Variants in RAPGEF5 observed in about 807,000 individuals in gnomAD.
RAPGEF5 encodes M-Ras-regulated GEF.
In RAPGEF5, 65 loss-of-function variants were observed where a neutral mutation model predicts 125.2. The ratio of observed to expected loss-of-function variants is 0.52; its 90% confidence interval spans 0.43 to 0.64. The LOEUF is 0.64. Ranked by LOEUF, RAPGEF5 falls within the 30% of genes least tolerant of loss-of-function variation. The pLI is 0.00. For synonymous variants in RAPGEF5, 391 were observed against 385.9 expected (o/e 1.01, Z -0.16); for missense variants, 958 against 1,048.1 (o/e 0.91, Z 1.19).
intron 9 of RAPGEF5, among the ~76,000 whole-genome samples, chr7:22,197,053 C>T (rs182847782): frequency 1.3e-5 from 2 of 152,238 alleles, no homozygotes; most frequent in Admixed American, 1.3e-4. Context: ...ATGAAGACCA[C>T]TACCAAGATG....
intron 9 of RAPGEF5, among the ~76,000 whole-genome samples, chr7:22,214,732 C>T (rs1162148379): frequency 6.7e-6 from 1 of 149,864 alleles, no homozygotes; most frequent in Non-Finnish European, 1.5e-5. Context: ...TCTCTGTCCT[C>T]CAGAGCTGCC....
intron 1 of RAPGEF5, among the ~76,000 whole-genome samples, chr7:22,341,440 C>T (rs1460966063): frequency 2.0e-5 from 3 of 152,184 alleles, no homozygotes; most frequent in Admixed American, 6.5e-5. Context: ...CATGTCCTCA[C>T]ATTTCAAAAC....
chr7:22,187,408 C>T (rs1405093230), intron 11 of RAPGEF5, among the ~76,000 whole-genome samples: 1 of 152,086 alleles, frequency 6.6e-6, no homozygotes, highest in Admixed American at 6.6e-5. Flanking sequence ...TTTTAGTAAC[C>T]TTTCTACTCT....
At chr7:22,215,356 T>G (rs1363890518) in intron 9 of RAPGEF5, among the ~76,000 whole-genome samples, 2 of 152,216 alleles carry the variant, frequency 1.3e-5, no homozygotes, top group African/African-American at 4.8e-5. Context: ...CAAAACCTAA[T>G]TTAAGGTCCA....
At chr7:22,213,195 AC>A (rs1372664832) in intron 9 of RAPGEF5, among the ~76,000 whole-genome samples, 1 of 152,182 alleles carries the variant, frequency 6.6e-6, no homozygotes, top group Non-Finnish European at 1.5e-5. Flanking sequence ...TCTTGTGAAA[AC>A]CTAAAAATAC....
Position 22,340,710 on chromosome 7 carries a change from A to G in RAPGEF5, c.231+16120T>C, listed in dbSNP as rs549204417. Among the ~76,000 whole-genome samples the G allele has an allele frequency of 3.3e-5, 5 of 152,284 alleles. No individual in the cohort carries two copies. In the East Asian group the frequency reaches 9.7e-4, roughly 29 times the overall value. Reference sequence around the variant, plus strand: ...TTCTCTTACCAGGGTATTCCGCACTAGAACCCCCTCTCCTCTTCCCTCTGG... The same window carrying G: ...TTCTCTTACCAGGGTATTCCGCACTGGAACCCCCTCTCCTCTTCCCTCTGG... On this transcript the variant is annotated intron_variant, in intron 1 of 25. Coordinates refer to ENST00000665637, the MANE Select transcript of RAPGEF5 (RefSeq NM_012294.5).
chr7:22,240,859 T>C (rs1338643345), intron 7 of RAPGEF5, among the ~76,000 whole-genome samples: 1 of 152,192 alleles, frequency 6.6e-6, no homozygotes, highest in Non-Finnish European at 1.5e-5. Flanking sequence ...AGAAATTAAA[T>C]TGTAAAAGAT....
At chr7:22,339,643 T>C (rs1317907640) in intron 1 of RAPGEF5, among the ~76,000 whole-genome samples, 1 of 152,234 alleles carries the variant, frequency 6.6e-6, no homozygotes, top group East Asian at 1.9e-4. Flanking sequence ...CTGCCTGCAG[T>C]ACACACAACA....
intron 7 of RAPGEF5, among the ~76,000 whole-genome samples, chr7:22,255,034 G>C (rs1048040210): frequency 1.3e-5 from 2 of 152,080 alleles, no homozygotes; most frequent in African/African-American, 2.4e-5. Context: ...ACCAGATCCT[G>C]GGGTTTCCTA....
intron 1 of RAPGEF5, among the ~76,000 whole-genome samples, chr7:22,352,560 G>A (rs1784350268): frequency 6.6e-6 from 1 of 152,140 alleles, no homozygotes; most frequent in Non-Finnish European, 1.5e-5. Flanking sequence ...CATTTAAAAA[G>A]TATACAGGAG....
intron 7 of RAPGEF5, among the ~76,000 whole-genome samples, chr7:22,247,363 T>A (rs1786504434): frequency 6.6e-6 from 1 of 152,192 alleles, no homozygotes; most frequent in Non-Finnish European, 1.5e-5. Flanking sequence ...CATCTTGAAT[T>A]GTAGCTCCCA....
chr7:22,191,188 C>T (rs1784985262), intron 11 of RAPGEF5, among the ~76,000 whole-genome samples: 1 of 152,064 alleles, frequency 6.6e-6, no homozygotes, highest in Non-Finnish European at 1.5e-5. Flanking sequence ...ATTAATATCT[C>T]CTTTTCTTCA....
intron 17 of RAPGEF5, among the ~76,000 whole-genome samples, chr7:22,153,050 C>T (rs747871976): frequency 2.0e-5 from 3 of 152,238 alleles, no homozygotes; most frequent in Middle Eastern, 3.4e-3. Context: ...GTGAAAGAGC[C>T]GCTCATTAAT....
intron 9 of RAPGEF5, among the ~76,000 whole-genome samples, chr7:22,203,851 A>G (rs1392731730): frequency 6.6e-6 from 1 of 151,166 alleles, no homozygotes; most frequent in Non-Finnish European, 1.5e-5. Flanking sequence ...GACCTGACAG[A>G]GGCCTATTTG....
In RAPGEF5 at chr7:22,119,341, G is replaced by A. The variant is rs1380684734; in HGVS notation, c.*3065C>T. On this transcript the variant is annotated 3_prime_UTR_variant, in exon 26 of 26. Coordinates refer to ENST00000665637, the MANE Select transcript of RAPGEF5 (RefSeq NM_012294.5). The surrounding 1 kb of genome is among the most constrained non-coding windows in gnomAD (Gnocchi z 4.1). ...GTATGCTCCACACTACCTGTTTGTG[G>A]TTCTCGGTCTAGGGAAATGAATTTA... 1 of 152,150 alleles carries A rather than the reference G, an allele frequency of 6.6e-6. No homozygotes were observed. The highest frequency in any genetic ancestry group is 1.9e-4 in the East Asian group (1 of 5,202). 9.4% of individuals were successfully genotyped at this position (152,150 alleles called of 1,614,324 possible). A position where few individuals can be genotyped will look rare whatever the true frequency, so the allele number is the denominator to read the frequency against.
intron 1 of RAPGEF5, among the ~76,000 whole-genome samples, chr7:22,322,392 T>C (rs6953401): frequency 0.51 from 77,455 of 151,676 alleles, 19,931 homozygotes; most frequent in East Asian, 0.6. Context: ...AGCAATCCGC[T>C]CGCCTCAGCC....
chr7:22,139,065 A>G (rs76820511), intron 21 of RAPGEF5, among the ~76,000 whole-genome samples: 1,805 of 152,280 alleles, frequency 0.012, 32 homozygotes, highest in Middle Eastern at 0.051. Flanking sequence ...TCAGGGTATG[A>G]CCCCTGACTG....
At chr7:22,276,275 AG>A (rs1782553382) in intron 6 of RAPGEF5, among the ~76,000 whole-genome samples, 1 of 152,192 alleles carries the variant, frequency 6.6e-6, no homozygotes, top group Admixed American at 6.5e-5. Context: ...AATGATTCTC[AG>A]GTGGATTTTC....
chr7:22,356,089 C>G, intron 1 of RAPGEF5: 1 of 985,424 alleles, frequency 1.0e-6, no homozygotes, highest in Non-Finnish European at 1.2e-6. Flanking sequence ...AGGAGACAAT[C>G]AGCAGACCTT....
Sources: allele counts gnomAD v4.1 joint callset (sites outside exome capture counted in the v4.1 genomes callset), GRCh38; gene constraint gnomAD v4.1.1; non-coding constraint Gnocchi (gnomAD v3.1); transcripts MANE v1.5; gene names NCBI Gene and HGNC (gene_info 2026-07-23, HGNC 2026-07-21).